Variants in SMC1B observed in about 807,000 individuals in gnomAD.
SMC1B encodes the protein structural maintenance of chromosomes protein 1B.
SMC1B carries 60 observed loss-of-function variants against 157.9 expected under a neutral mutation model. The ratio of observed to expected loss-of-function variants is 0.38; its 90% confidence interval spans 0.31 to 0.47. The LOEUF is 0.47. Among genes scored for constraint, SMC1B ranks in the 20% least tolerant of loss-of-function variants. The probability of loss-of-function intolerance (pLI) is 0.99; values close to 1 mark genes in which losing one functional copy is unlikely to be tolerated. For synonymous variants in SMC1B, 445 were observed against 483.0 expected (o/e 0.92, Z 1.03); for missense variants, 1,165 against 1,426.2 (o/e 0.82, Z 2.95).
intron 19 of SMC1B, 60 bp from the exon 20 acceptor site, chr22:45,355,175 A>G: frequency 6.3e-7 from 1 of 1,579,744 alleles, no homozygotes; most frequent in Non-Finnish European, 8.7e-7. Context: ...CCAGCAAGGT[A>G]GGGTGCGTGT....
chr22:45,391,426 G>T (rs1422542302), intron 9 of SMC1B, among the ~76,000 whole-genome samples: 1 of 152,096 alleles, frequency 6.6e-6, no homozygotes, highest in African/African-American at 2.4e-5. Context: ...TGGGGATTTT[G>T]TTCTGTAACC....
chr22:45,349,625 T>A, intron 23 of SMC1B, 103 bp downstream of exon 23: 1 of 1,004,556 alleles, frequency 1.0e-6, no homozygotes, highest in Non-Finnish European at 1.5e-6. Flanking sequence ...TGAGCCACCG[T>A]GCCTAGACCA....
chr22:45,395,856 T>G (rs553433861), intron 7 of SMC1B, among the ~76,000 whole-genome samples: 2 of 152,276 alleles, frequency 1.3e-5, no homozygotes, highest in African/African-American at 4.8e-5. Flanking sequence ...AAACTCCGTA[T>G]CAAATAATAA....
chr22:45,348,923 C>T (rs2086579879), intron 23 of SMC1B, among the ~76,000 whole-genome samples: 3 of 151,686 alleles, frequency 2.0e-5, no homozygotes, highest in Non-Finnish European at 2.9e-5. Context: ...AGGCTGGTCT[C>T]AAACTCTTGG....
chr22:45,386,751 T>C, intron 11 of SMC1B, 116 bp downstream of exon 11: 2 of 915,034 alleles, frequency 2.2e-6, no homozygotes, highest in African/African-American at 1.7e-5. Flanking sequence ...TTGGTTCTCT[T>C]TAGAAAAAAG....
chr22:45,365,593 T>C (rs2086768043), intron 15 of SMC1B, among the ~76,000 whole-genome samples: 1 of 151,904 alleles, frequency 6.6e-6, no homozygotes. Flanking sequence ...TGGTCCCAGC[T>C]ACTTGGGAGG....
chr22:45,348,323 G>C (rs1381901010), intron 23 of SMC1B, among the ~76,000 whole-genome samples: 2 of 152,176 alleles, frequency 1.3e-5, no homozygotes, highest in African/African-American at 4.8e-5. Context: ...AGGTTGAAGC[G>C]GGTAGATCTC....
rs755699061 is a variant in SMC1B at position 45,370,040 on chromosome 22, T to C, written c.2334A>G (p.Gln778=). The C allele has an allele frequency of 2.3e-5, 36 of 1,584,644 alleles. No homozygotes were observed. The highest frequency in any genetic ancestry group is 2.9e-5 in the Non-Finnish European group (34 of 1,162,584). ...KIDKVEDDIF[Q]HFCEEIGVEN... ...CCACGCCAATTTCTTCACAGAAGTGTTGGAAGATATCGTCTTCTACCTTTT... is the reference window on the plus strand; with the variant it reads ...CCACGCCAATTTCTTCACAGAAGTGCTGGAAGATATCGTCTTCTACCTTTT... The change falls in exon 15 of 25, where the codon CAA becomes CAG. Residue 778 remains glutamine (Q), a synonymous_variant. Coordinates refer to ENST00000357450, the MANE Select transcript of SMC1B (RefSeq NM_148674.5).
chr22:45,367,492 T>A (rs913742105), intron 15 of SMC1B, among the ~76,000 whole-genome samples: 3 of 152,186 alleles, frequency 2.0e-5, no homozygotes, highest in African/African-American at 7.2e-5. Flanking sequence ...CTGTGTGGTG[T>A]TGCTGTGTGA....
chr22:45,354,231 T>C, intron 20 of SMC1B, 99 bp from the exon 21 acceptor site: 2 of 975,984 alleles, frequency 2.0e-6, no homozygotes, highest in Non-Finnish European at 2.9e-6. Context: ...GATTTGAGTT[T>C]GGATCTCTTG....
chr22:45,394,907 A>G (rs1325918688), intron 7 of SMC1B, 140 bp from the exon 8 acceptor site: 1 of 997,782 alleles, frequency 1.0e-6, no homozygotes, highest in Non-Finnish European at 1.3e-6. Context: ...CACTTATCAG[A>G]GCAAATTACA....
Position 45,413,570 on chromosome 22 carries a change from C to G in SMC1B, c.-3G>C, listed in dbSNP as rs768283258. 6.3e-7 allele frequency: 1 copy of G among 1,598,440 alleles called. No homozygotes were observed. The highest frequency in any genetic ancestry group is 1.1e-5 in the South Asian group (1 of 88,622). ...AGCAGCAGCTCCAGGTGGGCCATGG[C>G]GCCGCCCTCCACGCCTCACCCGCGT... is the stretch of plus-strand genomic sequence containing the variant. On this transcript the variant is annotated 5_prime_UTR_variant, in exon 1 of 25. Coordinates refer to ENST00000357450, the MANE Select transcript of SMC1B (RefSeq NM_148674.5).
intron 4 of SMC1B, among the ~76,000 whole-genome samples, chr22:45,403,296 T>C (rs2087217715): frequency 6.6e-6 from 1 of 152,214 alleles, no homozygotes; most frequent in African/African-American, 2.4e-5. Flanking sequence ...CATGTATACA[T>C]ATTAGAAAAC....
chr22:45,369,766 G>A (rs931544841), intron 15 of SMC1B, among the ~76,000 whole-genome samples, 188 bp downstream of exon 15: 2 of 149,126 alleles, frequency 1.3e-5, no homozygotes, highest in African/African-American at 2.5e-5. Context: ...GGATGGTCTC[G>A]ATCTCCTGAC....
Position 45,402,211 on chromosome 22 carries a change from T to C in SMC1B, c.854+122A>G, listed in dbSNP as rs577434094. ...ACTATCTTTATAATTTTTCTGTATA[T>C]CTAAAAGTATTCCAAAGTAAAAAGC... On this transcript the variant is annotated intron_variant, in intron 5 of 24. Transcript: ENST00000357450. 74 of 744,258 alleles carry C rather than the reference T, an allele frequency of 9.9e-5. 1 individual carries two copies. The South Asian group carries it at 1.3e-3, about 13-fold the overall frequency. The allele number at this position is 744,258 out of a possible 1,614,324, so 46.1% of individuals were successfully genotyped here. A position where few individuals can be genotyped will look rare whatever the true frequency, so the allele number is the denominator to read the frequency against.
intron 4 of SMC1B, among the ~76,000 whole-genome samples, chr22:45,404,476 T>G (rs572743641): frequency 6.6e-6 from 1 of 152,296 alleles, no homozygotes; most frequent in African/African-American, 2.4e-5. Context: ...GACAACCAAC[T>G]AAGAGTCCCA....
intron 21 of SMC1B, among the ~76,000 whole-genome samples, chr22:45,352,900 C>A (rs2086628513): frequency 6.6e-6 from 1 of 152,186 alleles, no homozygotes; most frequent in East Asian, 1.9e-4. Context: ...TCATGCAGTT[C>A]ACTCACTGAT....
intron 10 of SMC1B, 31 bp from the exon 11 acceptor site, chr22:45,387,077 C>A (rs1194535266): frequency 3.9e-6 from 6 of 1,528,050 alleles, no homozygotes; most frequent in Non-Finnish European, 5.4e-6. Context: ...TAACATGTTA[C>A]ATACACTGAA....
chr22:45,408,540 G>T (rs543761432), intron 2 of SMC1B, among the ~76,000 whole-genome samples, 170 bp downstream of exon 2: 3 of 152,102 alleles, frequency 2.0e-5, no homozygotes, highest in Non-Finnish European at 4.4e-5. Context: ...AATATGTGGC[G>T]AATCAAACAG....
Sources: gnomAD v4.1 joint callset for allele counts (sites outside exome capture counted in the v4.1 genomes callset) on GRCh38, gnomAD v4.1.1 for gene constraint, MANE v1.5 for transcripts, NCBI Gene and HGNC (gene_info 2026-07-23, HGNC 2026-07-21) for gene names.